PCDHGB4: variants seen among roughly 807,000 people sequenced by gnomAD.
PCDHGB4 encodes the protein protocadherin gamma subfamily B, 4, also known as protocadherin gamma-B4.
PCDHGB4 carries 38 observed loss-of-function variants against 60.5 expected under a neutral mutation model. The observed-to-expected ratio is 0.63, with a 90% confidence interval of 0.48 to 0.82. The LOEUF (loss-of-function observed/expected upper bound fraction) is 0.82. PCDHGB4 is among the 40% of genes least tolerant of loss of function. The pLI, the probability that PCDHGB4 is intolerant of heterozygous loss-of-function variation, is 0.00. For missense variants in PCDHGB4, 1,109 were observed against 1,209.6 expected (o/e 0.92, Z 1.23); for synonymous variants, 456 against 509.7 (o/e 0.89, Z 1.42).
chr5:141,478,563 C>A, intron 1 of PCDHGB4: 2 of 1,596,270 alleles, frequency 1.3e-6, no homozygotes, highest in South Asian at 1.1e-5. Context: ...TTTAGCAAGT[C>A]ATGCTTGACC....
In PCDHGB4 at chr5:141,432,571, G is replaced by C; in HGVS notation, c.2397+42290G>C. On this transcript the variant is annotated intron_variant, in intron 1 of 3. Transcript: ENST00000519479. The surrounding 1 kb of genome is among the most constrained non-coding windows in gnomAD (Gnocchi z 6.0). ...GAGACTCCGGCCAGAACGCCTGGCT[G>C]TCCTACCGTCTGCTCAAGGCCAGCG... The C allele has an allele frequency of 6.2e-7, 1 of 1,613,954 alleles. No individual in the cohort carries two copies. The highest frequency in any genetic ancestry group is 8.5e-7 in the Non-Finnish European group (1 of 1,179,992).
chr5:141,393,120 C>T lies in PCDHGB4; in HGVS notation c.2397+2839C>T, dbSNP rs142751758. The T allele has an allele frequency of 9.0e-3, 14,600 of 1,613,382 alleles. 101 individuals carry two copies. The highest frequency in any genetic ancestry group is 0.01 in the Non-Finnish European group (11,861 of 1,179,884). On this transcript the variant is annotated intron_variant, in intron 1 of 3. Transcript: ENST00000519479. ...GCTCTGCGCTCAGAGCCCGCGGTGT[C>T]TGATAAATATTAACACCCTGGTTGA...
At chr5:141,420,382 C>CA (rs1414569792) in intron 1 of PCDHGB4, 5 of 1,300,530 alleles carry the variant, frequency 3.8e-6, no homozygotes, top group Non-Finnish European at 5.1e-6. Flanking sequence ...ATAGAGTTCG[C>CA]AAAATATAGG....
intron 1 of PCDHGB4, among the ~76,000 whole-genome samples, chr5:141,429,527 T>TA (rs1321273157): frequency 1.3e-5 from 2 of 152,038 alleles, no homozygotes; most frequent in African/African-American, 4.8e-5. Flanking sequence ...GAAAAAAGCT[T>TA]AAAAAAATAA....
Position 141,476,901 on chromosome 5 carries a change from G to A in PCDHGB4, c.2398-17906G>A, listed in dbSNP as rs1466086788. The A allele has an allele frequency of 1.9e-6, 3 of 1,613,782 alleles. No individual in the cohort carries two copies. The African/African-American group carries it at 4.0e-5, about 22-fold the overall frequency. On this transcript the variant is annotated intron_variant, in intron 1 of 3. Coordinates refer to ENST00000519479, the MANE Select transcript of PCDHGB4 (RefSeq NM_003736.4). The surrounding 1 kb of genome is among the most constrained non-coding windows in gnomAD (Gnocchi z 7.6). ...CTGGAGGATGCACCCTCCGGCACGC[G>A]CGTGGTACAAGTCCTTGCAACGGAT...
At chr5:141,505,298 T>TA in intron 2 of PCDHGB4, 95 bp from the exon 3 acceptor site, 1 of 1,586,334 alleles carries the variant, frequency 6.3e-7, no homozygotes, top group Non-Finnish European at 8.6e-7. Context: ...GGGGTAGGGT[T>TA]AGGGTACTAG....
chr5:141,431,673 G>A lies in PCDHGB4; in HGVS notation c.2397+41392G>A. On this transcript the variant is annotated intron_variant, in intron 1 of 3. Coordinates refer to ENST00000519479, the MANE Select transcript of PCDHGB4 (RefSeq NM_003736.4). The surrounding 1 kb of genome is among the most constrained non-coding windows in gnomAD (Gnocchi z 4.8). ...AATTCAGGGACAATATCAACAATAG[G>A]GGAGTTGGACCACGAGGAGTCAGGA... 1 of 1,614,214 alleles carries A rather than the reference G, an allele frequency of 6.2e-7. No homozygotes were observed. The highest frequency in any genetic ancestry group is 8.5e-7 in the Non-Finnish European group (1 of 1,180,044).
intron 1 of PCDHGB4, chr5:141,428,464 G>A (rs904800167): frequency 1.1e-4 from 37 of 344,652 alleles, no homozygotes; most frequent in African/African-American, 6.3e-4. Context: ...CTACAATGAG[G>A]GAACTTTGCT....
intron 1 of PCDHGB4, chr5:141,399,207 A>T (rs771939823): frequency 1.2e-6 from 2 of 1,613,992 alleles, no homozygotes; most frequent in South Asian, 2.2e-5. Flanking sequence ...TGCCTGGAAC[A>T]CTAATTGCTT....
intron 1 of PCDHGB4, among the ~76,000 whole-genome samples, chr5:141,483,201 C>A (rs2099578254): frequency 6.6e-6 from 1 of 152,108 alleles, no homozygotes; most frequent in Non-Finnish European, 1.5e-5. Context: ...TTATTTTATT[C>A]CATATAGATG....
chr5:141,413,134 G>A, intron 1 of PCDHGB4: 1 of 1,543,438 alleles, frequency 6.5e-7, no homozygotes, highest in South Asian at 1.3e-5. Flanking sequence ...AACACACAAC[G>A]TGTCCAGTGA....
rs758172004 is a variant in PCDHGB4, at chr5:141,477,909, C to T, written c.2398-16898C>T. On this transcript the variant is annotated intron_variant, in intron 1 of 3. Transcript: ENST00000519479. This position sits in a 1 kb window ranked among gnomAD's most constrained non-coding sequence, Gnocchi z 4.9. ...GTGTCACGGGTGGTAGGCTGGGACGCGGATGCAGGGCACAATGCCTGGCTC... is the reference window on the plus strand; with the variant it reads ...GTGTCACGGGTGGTAGGCTGGGACGTGGATGCAGGGCACAATGCCTGGCTC... 2 of 1,614,166 alleles carry T rather than the reference C, an allele frequency of 1.2e-6. No individual in the cohort carries two copies. Among genetic ancestry groups the T allele is most frequent in the Admixed American group, 1.7e-5 (1 of 60,016 alleles).
chr5:141,477,778 C>A lies in PCDHGB4; in HGVS notation c.2398-17029C>A. The stretch of plus-strand genomic sequence containing the variant: ...TCCTAGCCACCAACATCAGCGTGAA[C>A]ATATTTGTCACTGATCGCAATGACA... On this transcript the variant is annotated intron_variant, in intron 1 of 3. Coordinates refer to ENST00000519479, the MANE Select transcript of PCDHGB4 (RefSeq NM_003736.4). The surrounding 1 kb of genome is among the most constrained non-coding windows in gnomAD (Gnocchi z 4.9). The A allele has an allele frequency of 6.2e-7, 1 of 1,614,052 alleles. No individual in the cohort carries two copies. The highest frequency in any genetic ancestry group is 8.5e-7 in the Non-Finnish European group (1 of 1,180,040).
chr5:141,479,860 C>T (rs1374284598), intron 1 of PCDHGB4, among the ~76,000 whole-genome samples: 2 of 152,108 alleles, frequency 1.3e-5, no homozygotes, highest in Admixed American at 6.5e-5. Context: ...AAGGCCTTTG[C>T]CCTGGAGAGA....
At position 141,489,358 on chromosome 5, in the gene PCDHGB4, G is replaced by A; in HGVS notation, c.2398-5449G>A. On this transcript the variant is annotated intron_variant, in intron 1 of 3. Transcript: ENST00000519479. This position sits in a 1 kb window ranked among gnomAD's most constrained non-coding sequence, Gnocchi z 4.5. ...TCGTTACTCAGTGGTGGAGGAGTCT[G>A]AGCCGGGGACGCTGGTGGGGAATGT... 1 of 1,613,144 alleles carries A rather than the reference G, an allele frequency of 6.2e-7. No individual in the cohort carries two copies. The highest frequency in any genetic ancestry group is 8.5e-7 in the Non-Finnish European group (1 of 1,179,278).
At chr5:141,496,400 A>G (rs540108338) in intron 2 of PCDHGB4, among the ~76,000 whole-genome samples, 2 of 152,240 alleles carry the variant, frequency 1.3e-5, no homozygotes, top group East Asian at 3.9e-4. Flanking sequence ...TACCTCCTCA[A>G]TGGTTGAGTA....
chr5:141,477,819 T>C lies in PCDHGB4; in HGVS notation c.2398-16988T>C. 1.9e-6 allele frequency: 3 copies of C among 1,614,138 alleles called. No individual in the cohort carries two copies. The highest frequency in any genetic ancestry group is 2.5e-6 in the Non-Finnish European group (3 of 1,180,030). On this transcript the variant is annotated intron_variant, in intron 1 of 3. Transcript: ENST00000519479. The surrounding 1 kb of genome is among the most constrained non-coding windows in gnomAD (Gnocchi z 4.9). ...CGCAATGACAATGCCCCCCAGGTCC[T>C]ATATCCTCGGCCAGGTGGGAGCTCG...
chr5:141,405,124 G>A (rs1490821452), intron 1 of PCDHGB4: 2 of 1,614,020 alleles, frequency 1.2e-6, no homozygotes, highest in Admixed American at 3.3e-5. Context: ...CCTCGCATCT[G>A]CTGCGGGCTA....
At chr5:141,500,452 G>C (rs554196222) in intron 2 of PCDHGB4, among the ~76,000 whole-genome samples, 1 of 151,506 alleles carries the variant, frequency 6.6e-6, no homozygotes, top group South Asian at 2.1e-4. Context: ...CTCGTGATCC[G>C]CCCGCCTCGG....
Sources: gnomAD v4.1 joint callset for allele counts (sites outside exome capture counted in the v4.1 genomes callset) on GRCh38, gnomAD v4.1.1 for gene constraint, Gnocchi (gnomAD v3.1) non-coding constraint, MANE v1.5 for transcripts, NCBI Gene and HGNC (gene_info 2026-07-23, HGNC 2026-07-21) for gene names.